Variants in EXOC3L2 observed in about 807,000 individuals in gnomAD.
The protein encoded by EXOC3L2 is exocyst complex component 3 like 2.
In EXOC3L2, 17 loss-of-function variants were observed where a neutral mutation model predicts 44.4. The observed-to-expected ratio is 0.38, with a 90% confidence interval of 0.26 to 0.57. The LOEUF (loss-of-function observed/expected upper bound fraction) is 0.57. EXOC3L2 is among the 20% of genes least tolerant of loss of function. The pLI, the probability that EXOC3L2 is intolerant of heterozygous loss-of-function variation, is 0.65. For synonymous variants in EXOC3L2, 256 were observed against 253.7 expected, an observed-to-expected ratio of 1.01 and a Z score of -0.09; for missense variants, 541 against 588.4, an observed-to-expected ratio of 0.92 and a Z score of 0.83.
chr19:45,239,234 T>TTC (rs1970110609), intron 1 of EXOC3L2, among the ~76,000 whole-genome samples, 173 bp from the exon 2 acceptor site: 1 of 150,950 alleles, frequency 6.6e-6, no homozygotes, highest in African/African-American at 2.4e-5. Context: ...TTTTTTTTTT[T>TTC]TGAGACGGGG....
At chr19:45,226,879 A>T (rs1050107246) in intron 7 of EXOC3L2, among the ~76,000 whole-genome samples, 1 of 147,856 alleles carries the variant, frequency 6.8e-6, no homozygotes, top group African/African-American at 2.5e-5. Context: ...CAGCCTTCGG[A>T]GTAGCTGGGA....
rs563939381 is a variant in EXOC3L2, at chr19:45,241,150, C to T, written c.-16-2089G>A. 7.1e-4 allele frequency among the ~76,000 whole-genome samples: 108 copies of T among 152,240 alleles called. 1 individual carries two copies. Among genetic ancestry groups the T allele is most frequent in the African/African-American group, 2.6e-3 (106 of 41,558 alleles). Reference sequence around the variant, plus strand: ...CTGCCCTGGCCTCCTCCCTGGTCCCCAGCCTCTAGTCTTGGCACCTCCAGT... The same window carrying T: ...CTGCCCTGGCCTCCTCCCTGGTCCCTAGCCTCTAGTCTTGGCACCTCCAGT... On this transcript the variant is annotated intron_variant, in intron 1 of 11. Coordinates refer to ENST00000413988, the MANE Select transcript of EXOC3L2 (RefSeq NM_001382422.1).
Position 45,223,756 on chromosome 19 carries a change from C to T in EXOC3L2, c.1719+1022G>A, listed in dbSNP as rs1263651613. 1.3e-5 allele frequency among the ~76,000 whole-genome samples: 2 copies of T among 151,206 alleles called. 1 individual carries two copies. Among genetic ancestry groups the T allele is most frequent in the South Asian group, 4.2e-4 (2 of 4,726 alleles). On this transcript the variant is annotated intron_variant, in intron 8 of 11. Coordinates refer to ENST00000413988, the MANE Select transcript of EXOC3L2 (RefSeq NM_001382422.1). ...CCTGTAATCCCAGCACTTTGGGAGG[C>T]CGAGGTGGGCAGATCACATGAGGCC...
chr19:45,237,869 C>T (rs62118505), intron 2 of EXOC3L2, among the ~76,000 whole-genome samples: 1 of 152,154 alleles, frequency 6.6e-6, no homozygotes, highest in African/African-American at 2.4e-5. Flanking sequence ...ATTGGCCACA[C>T]GCCGTGGCTC....
intron 4 of EXOC3L2, among the ~76,000 whole-genome samples, chr19:45,229,652 C>A (rs1053155297): frequency 6.7e-6 from 1 of 149,482 alleles, no homozygotes; most frequent in Non-Finnish European, 1.5e-5. Flanking sequence ...TCAAGACCAG[C>A]CTGAACAACA....
chr19:45,224,749 C>T (rs886527077), intron 8 of EXOC3L2, 29 bp downstream of exon 8: 16 of 1,543,664 alleles, frequency 1.0e-5, no homozygotes, highest in Non-Finnish European at 1.3e-5. Context: ...CTGGCATGGG[C>T]CCCAACCCTG....
In EXOC3L2 at chr19:45,216,042, G is replaced by T. The variant is rs200217798; in HGVS notation, c.2120+31C>A. 12 of 1,610,708 alleles carry T rather than the reference G, an allele frequency of 7.5e-6. No individual in the cohort carries two copies. In the South Asian group the frequency reaches 8.8e-5, roughly 12 times the overall value. On this transcript the variant is annotated intron_variant, in intron 11 of 11. Transcript: ENST00000413988. ...CCGCCAGGAGACCTCGGCCAGGCAC[G>T]GCGAGCCCTGGCCCAGGCGGGGTGT...
At chr19:45,242,017 G>A (rs1021363285) in intron 1 of EXOC3L2, among the ~76,000 whole-genome samples, 9 of 152,230 alleles carry the variant, frequency 5.9e-5, no homozygotes, top group African/African-American at 2.2e-4. Flanking sequence ...TTCCTTGTGT[G>A]GGGAGGAGGA....
chr19:45,244,169 C>T (rs1468227726), intron 1 of EXOC3L2, among the ~76,000 whole-genome samples: 2 of 150,898 alleles, frequency 1.3e-5, no homozygotes, highest in Non-Finnish European at 3.0e-5. Flanking sequence ...GATCCACCTG[C>T]CCCAGCCTCC....
chr19:45,227,806 C>G (rs1032740308), intron 6 of EXOC3L2, 34 bp from the exon 7 acceptor site: 3 of 1,590,404 alleles, frequency 1.9e-6, no homozygotes, highest in Non-Finnish European at 2.6e-6. Flanking sequence ...TAGGGCGCCA[C>G]TGGGTCAGGG....
Position 45,218,179 on chromosome 19 carries a change from C to CCCCCCCCG in EXOC3L2, c.1842+17_1842+18insCGGGGGGG. ...CTTTTCCCCCACCCCCACCTCCCCT[C>CCCCCCCCG]CCCTCAGGCAGGTGCACCTGGTAAG... On this transcript the variant is annotated intron_variant, in intron 9 of 11. Transcript: ENST00000413988. 1 of 1,424,838 alleles carries CCCCCCCCG rather than the reference C, an allele frequency of 7.0e-7. No homozygotes were observed. The highest frequency in any genetic ancestry group is 9.3e-7 in the Non-Finnish European group (1 of 1,069,610). The allele number at this position is 1,424,838 out of a possible 1,614,324, so 88.3% of individuals were successfully genotyped here. A position where few individuals can be genotyped will look rare whatever the true frequency, so the allele number is the denominator to read the frequency against.
chr19:45,231,030 A>G (rs1970025982), intron 4 of EXOC3L2, among the ~76,000 whole-genome samples: 1 of 152,012 alleles, frequency 6.6e-6, no homozygotes. Context: ...TCGAGGCTGT[A>G]GTGAGCTGTA....
At chr19:45,219,075 C>T (rs1038737936) in intron 8 of EXOC3L2, among the ~76,000 whole-genome samples, 1 of 151,940 alleles carries the variant, frequency 6.6e-6, no homozygotes, top group Admixed American at 6.6e-5. Context: ...TAGCCGGGCG[C>T]GGTGGCGTGC....
intron 8 of EXOC3L2, among the ~76,000 whole-genome samples, chr19:45,224,046 G>A (rs887972431): frequency 6.6e-6 from 1 of 152,022 alleles, no homozygotes; most frequent in African/African-American, 2.4e-5. Flanking sequence ...GCTGTGAGAG[G>A]GAGAGCATTC....
chr19:45,240,745 A>T lies in EXOC3L2; in HGVS notation c.-16-1684T>A, dbSNP rs535048340. Reference sequence around the variant, plus strand: ...ACCCCGTCTCTACTAAAAATAAAAAAAGTAAAAAATTAGCCGGGCGTGGTG... The same window carrying T: ...ACCCCGTCTCTACTAAAAATAAAAATAGTAAAAAATTAGCCGGGCGTGGTG... On this transcript the variant is annotated intron_variant, in intron 1 of 11. Coordinates refer to ENST00000413988, the MANE Select transcript of EXOC3L2 (RefSeq NM_001382422.1). Among the ~76,000 whole-genome samples, 164 of 152,146 alleles carry T rather than the reference A, an allele frequency of 1.1e-3. 1 individual carries two copies. The highest frequency in any genetic ancestry group is 3.8e-3 in the African/African-American group (157 of 41,510).
intron 11 of EXOC3L2, among the ~76,000 whole-genome samples, chr19:45,214,656 T>G (rs998239617): frequency 7.9e-5 from 12 of 151,292 alleles, no homozygotes; most frequent in Admixed American, 7.9e-4. Flanking sequence ...GTAGAGACGG[T>G]GTTTCACCAT....
intron 7 of EXOC3L2, 75 bp from the exon 8 acceptor site, chr19:45,224,988 G>C: frequency 7.0e-7 from 1 of 1,429,598 alleles, no homozygotes. Flanking sequence ...TCTTCCCTTA[G>C]GTAGATCAGA....
intron 8 of EXOC3L2, 105 bp from the exon 9 acceptor site, chr19:45,218,424 C>T (rs866318349): frequency 7.4e-6 from 10 of 1,358,332 alleles, no homozygotes; most frequent in Middle Eastern, 5.2e-4. Context: ...CAGGGCTGTG[C>T]GGTGCTGGGA....
intron 4 of EXOC3L2, among the ~76,000 whole-genome samples, chr19:45,231,534 C>T (rs2122981561): frequency 6.6e-6 from 1 of 151,626 alleles, no homozygotes; most frequent in Non-Finnish European, 1.5e-5. Flanking sequence ...AGTTCTGTGA[C>T]TAACTTTCTT....
Sources: gnomAD v4.1 joint callset for allele counts (sites outside exome capture counted in the v4.1 genomes callset) on GRCh38, gnomAD v4.1.1 for gene constraint, MANE v1.5 for transcripts, NCBI Gene and HGNC (gene_info 2026-07-23, HGNC 2026-07-21) for gene names.